The following SORCS3 variants were observed in gnomAD, a reference collection of about 807,000 sequenced individuals.
SORCS3 encodes the protein VPS10 domain-containing receptor SorCS3.
A neutral mutation model predicts 146.3 loss-of-function variants in SORCS3; 57 were observed. The observed-to-expected ratio is 0.39, with a 90% CI of 0.31 to 0.49. SORCS3 has a LOEUF of 0.49. Ranked by LOEUF, SORCS3 falls within the 20% of genes least tolerant of loss-of-function variation. SORCS3 has a pLI of 0.92. For missense variants in SORCS3, 1,341 were observed against 1,575.5 expected, an observed-to-expected ratio of 0.85 and a Z score of 2.52; for synonymous variants, 653 against 618.5, an observed-to-expected ratio of 1.06 and a Z score of -0.83.
chr10:104,679,308 GT>G (rs1483783472), intron 1 of SORCS3, among the ~76,000 whole-genome samples: 1 of 152,168 alleles, frequency 6.6e-6, no homozygotes, highest in Non-Finnish European at 1.5e-5. Flanking sequence ...AGTGGCCCAG[GT>G]AGACCACTTA....
At chr10:105,214,398 A>C (rs779996788) in intron 17 of SORCS3, 44 bp from the exon 18 acceptor site, 5 of 1,607,298 alleles carry the variant, frequency 3.1e-6, no homozygotes, top group Admixed American at 1.7e-5. Context: ...CAGCAACAAC[A>C]ACACAATCAA....
chr10:104,878,191 C>T (rs2018595905), intron 2 of SORCS3, among the ~76,000 whole-genome samples: 1 of 152,086 alleles, frequency 6.6e-6, no homozygotes, highest in East Asian at 1.9e-4. Flanking sequence ...TACTTCATTC[C>T]AGAGCAGTGC....
intron 3 of SORCS3, among the ~76,000 whole-genome samples, chr10:104,930,229 G>C (rs980788218): frequency 6.6e-6 from 1 of 152,206 alleles, no homozygotes; most frequent in African/African-American, 2.4e-5. Flanking sequence ...CTTAATTTGA[G>C]AGAGGACACA....
At chr10:104,684,206 G>A (rs1373028961) in intron 1 of SORCS3, among the ~76,000 whole-genome samples, 7 of 152,184 alleles carry the variant, frequency 4.6e-5, no homozygotes, top group Non-Finnish European at 8.8e-5. Context: ...TTCCTCAGCT[G>A]TAACCCAGGA....
At chr10:105,092,606 CAA>C (rs1554876552) in intron 6 of SORCS3, among the ~76,000 whole-genome samples, 1 of 120,628 alleles carries the variant, frequency 8.3e-6, no homozygotes, top group East Asian at 2.2e-4. Flanking sequence ...TGTGCATTCA[CAA>C]ACACACACAC....
intron 1 of SORCS3, among the ~76,000 whole-genome samples, chr10:104,679,825 C>G (rs368708600): frequency 2.0e-5 from 3 of 152,096 alleles, no homozygotes; most frequent in African/African-American, 7.2e-5. Flanking sequence ...TTTTATATAG[C>G]CCACAGTGAT....
chr10:104,779,880 C>T lies in SORCS3; in HGVS notation c.628-62912C>T, dbSNP rs1467578522. Among the ~76,000 whole-genome samples the T allele has an allele frequency of 4.6e-5, 7 of 152,098 alleles. No homozygotes were observed. In the South Asian group the frequency reaches 8.3e-4, roughly 18 times the overall value. On this transcript the variant is annotated intron_variant, in intron 1 of 26. Coordinates refer to ENST00000369701, the MANE Select transcript of SORCS3 (RefSeq NM_014978.3). The stretch of plus-strand genomic sequence containing the variant: ...GCTCCGCCATGTTGATTGGTGAGGG[C>T]GGTGTATGTCAGTGCTGAGTAACGT...
chr10:105,019,442 T>A (rs769776307), intron 4 of SORCS3, among the ~76,000 whole-genome samples: 1 of 152,224 alleles, frequency 6.6e-6, no homozygotes, highest in Non-Finnish European at 1.5e-5. Context: ...TAGACATGTT[T>A]GAGTTGCATT....
At chr10:105,105,232 G>T (rs955739862) in intron 6 of SORCS3, among the ~76,000 whole-genome samples, 165 bp from the exon 7 acceptor site, 1 of 152,096 alleles carries the variant, frequency 6.6e-6, no homozygotes, top group Non-Finnish European at 1.5e-5. Context: ...TAGATATTAC[G>T]ATTTTTTGGG....
intron 3 of SORCS3, among the ~76,000 whole-genome samples, chr10:104,971,885 C>T (rs76808315): frequency 4.8e-4 from 73 of 152,080 alleles, no homozygotes; most frequent in Admixed American, 1.0e-3. Context: ...TCAAAATAGA[C>T]GGAATTGTTG....
rs190318051 is a variant in SORCS3 at position 104,879,682 on chromosome 10, T to C, written c.696-36151T>C. On this transcript the variant is annotated intron_variant, in intron 2 of 26. Transcript: ENST00000369701. ...AGCCAGACAAAGATGCCTCCCCTAG[T>C]TGGAGAGGGCCACTTGATGAGCAAA... Among the ~76,000 whole-genome samples, 58 of 152,276 alleles carry C rather than the reference T, an allele frequency of 3.8e-4. 1 individual carries two copies. The Middle Eastern group carries it at 0.01, about 27-fold the overall frequency.
intron 9 of SORCS3, among the ~76,000 whole-genome samples, chr10:105,156,210 G>A (rs697188): frequency 0.036 from 5,420 of 152,224 alleles, 311 homozygotes; most frequent in African/African-American, 0.12. Flanking sequence ...ATTGCCTTTG[G>A]CAATATGCTA....
chr10:105,099,108 C>G (rs1305841812), intron 6 of SORCS3, among the ~76,000 whole-genome samples: 1 of 152,136 alleles, frequency 6.6e-6, no homozygotes, highest in Admixed American at 6.5e-5. Flanking sequence ...AATATTACTT[C>G]CTTCCTTGTC....
At chr10:105,099,139 A>C (rs2055766380) in intron 6 of SORCS3, among the ~76,000 whole-genome samples, 1 of 152,030 alleles carries the variant, frequency 6.6e-6, no homozygotes, top group African/African-American at 2.4e-5. Context: ...GGTTAGTTGC[A>C]CTCCCCAGTC....
chr10:105,048,583 T>C lies in SORCS3; in HGVS notation c.1028+5455T>C, dbSNP rs1221111153. ...ATAGCATTAGGAGATATACCTAATG[T>C]TAAATGACGAGTTAATGGGTGCAGC... On this transcript the variant is annotated intron_variant, in intron 5 of 26. Coordinates refer to ENST00000369701, the MANE Select transcript of SORCS3 (RefSeq NM_014978.3). Among the ~76,000 whole-genome samples, 19 of 148,848 alleles carry C rather than the reference T, an allele frequency of 1.3e-4. No homozygotes were observed. The South Asian group carries it at 4.2e-3, about 33-fold the overall frequency.
intron 7 of SORCS3, among the ~76,000 whole-genome samples, chr10:105,126,727 C>G (rs955454847): frequency 1.3e-5 from 2 of 152,108 alleles, no homozygotes; most frequent in African/African-American, 4.8e-5. Flanking sequence ...TTAGTTGTCC[C>G]TTACTTAGTT....
chr10:105,001,061 G>C (rs147955748), intron 4 of SORCS3, among the ~76,000 whole-genome samples: 1 of 152,100 alleles, frequency 6.6e-6, no homozygotes. Flanking sequence ...GTTGGGAGAT[G>C]GGGTTCTATC....
At position 105,122,609 on chromosome 10, in the gene SORCS3, A is replaced by T. The variant is rs931994534; in HGVS notation, c.1213-16788A>T. 7.2e-5 allele frequency among the ~76,000 whole-genome samples: 11 copies of T among 152,224 alleles called. 1 individual carries two copies. The highest frequency in any genetic ancestry group is 2.4e-4 in the African/African-American group (10 of 41,470). The stretch of plus-strand genomic sequence containing the variant: ...TCTAAATGAAGGGCATGTGATAGTC[A>T]CAAGACGGAGAACGTGTCAGTCCTC... On this transcript the variant is annotated intron_variant, in intron 7 of 26. Transcript: ENST00000369701.
chr10:104,931,059 A>G (rs1339804188), intron 3 of SORCS3, among the ~76,000 whole-genome samples: 2 of 152,194 alleles, frequency 1.3e-5, no homozygotes, highest in Non-Finnish European at 2.9e-5. Context: ...CTGGGCAATT[A>G]TTGCTCTTAT....
Sources: allele counts gnomAD v4.1 joint callset (sites outside exome capture counted in the v4.1 genomes callset), GRCh38; gene constraint gnomAD v4.1.1; transcripts MANE v1.5; gene names NCBI Gene and HGNC (gene_info 2026-07-23, HGNC 2026-07-21).